CTNNA2: variants seen among roughly 807,000 people sequenced by gnomAD.
CTNNA2 encodes the protein catenin alpha 2.
A neutral mutation model predicts 101.0 loss-of-function variants in CTNNA2; 42 were observed. The ratio of observed to expected loss-of-function variants is 0.42; its 90% CI spans 0.32 to 0.54. CTNNA2 has a LOEUF of 0.54. Ranked by LOEUF, CTNNA2 falls within the 20% of genes least tolerant of loss-of-function variation. The pLI, the probability that CTNNA2 is intolerant of heterozygous loss-of-function variation, is 0.14. For synonymous variants in CTNNA2, 450 were observed against 456.4 expected (o/e 0.99, Z 0.18); for missense variants, 871 against 1,223.1 (o/e 0.71, Z 4.29).
At chr2:80,294,852 C>T (rs1044259683) in intron 7 of CTNNA2, among the ~76,000 whole-genome samples, 4 of 151,950 alleles carry the variant, frequency 2.6e-5, no homozygotes, top group East Asian at 3.9e-4. Flanking sequence ...TCTCATAACA[C>T]GAGGGAAAAT....
intron 2 of CTNNA2, among the ~76,000 whole-genome samples, chr2:79,684,456 G>T (rs1683794958): frequency 6.6e-6 from 1 of 152,102 alleles, no homozygotes; most frequent in Non-Finnish European, 1.5e-5. Flanking sequence ...TGAATAACGT[G>T]AATCAAAACT....
intron 4 of CTNNA2, among the ~76,000 whole-genome samples, chr2:79,477,319 C>T (rs1023610829): frequency 1.3e-5 from 2 of 151,718 alleles, no homozygotes; most frequent in Non-Finnish European, 2.9e-5. Flanking sequence ...TACAGGCACC[C>T]GCCACCACAC....
At chr2:79,319,384 A>G (rs1173732947) in intron 3 of CTNNA2, among the ~76,000 whole-genome samples, 2 of 152,164 alleles carry the variant, frequency 1.3e-5, no homozygotes, top group Non-Finnish European at 2.9e-5. Flanking sequence ...GGGAGCTAGA[A>G]CATGAAGGCT....
intron 2 of CTNNA2, among the ~76,000 whole-genome samples, chr2:79,207,419 A>T (rs1428645249): frequency 6.6e-6 from 1 of 152,186 alleles, no homozygotes; most frequent in Admixed American, 6.5e-5. Context: ...TCTACCTTCA[A>T]GTAATGACAA....
chr2:80,043,954 A>G (rs1696351400), intron 7 of CTNNA2, among the ~76,000 whole-genome samples: 1 of 152,224 alleles, frequency 6.6e-6, no homozygotes, highest in South Asian at 2.1e-4. Flanking sequence ...TTGTGCATGT[A>G]TACACACCCA....
intron 3 of CTNNA2, among the ~76,000 whole-genome samples, chr2:79,795,439 A>T (rs1675622165): frequency 6.6e-6 from 1 of 152,084 alleles, no homozygotes; most frequent in South Asian, 2.1e-4. Flanking sequence ...TTTAAAAGTT[A>T]TTTTTTATAA....
chr2:80,192,131 T>A (rs1470811584), intron 7 of CTNNA2, among the ~76,000 whole-genome samples: 2 of 152,222 alleles, frequency 1.3e-5, no homozygotes, highest in Non-Finnish European at 2.9e-5. Context: ...AATCACAGAA[T>A]TGCAGACATA....
At chr2:79,702,672 C>A (rs1236362359) in intron 2 of CTNNA2, among the ~76,000 whole-genome samples, 1 of 152,176 alleles carries the variant, frequency 6.6e-6, no homozygotes, top group African/African-American at 2.4e-5. Flanking sequence ...TTCCTGGGAA[C>A]CGCTTTTACC....
At chr2:79,340,562 G>C (rs976395242) in intron 3 of CTNNA2, among the ~76,000 whole-genome samples, 2 of 152,130 alleles carry the variant, frequency 1.3e-5, no homozygotes, top group African/African-American at 4.8e-5. Flanking sequence ...GGCCGGGCGT[G>C]GTGGCTCACG....
rs555244719 is a variant in CTNNA2 at position 80,164,415 on chromosome 2, A to G, written c.1057-228796A>G. On this transcript the variant is annotated intron_variant, in intron 7 of 18. Transcript: ENST00000402739. Reference sequence around the variant, plus strand: ...TTACCAATTCTAGTGAAGTTTAGAAATATTTATCTGCCTTTATGTCCCTTT... The same window carrying G: ...TTACCAATTCTAGTGAAGTTTAGAAGTATTTATCTGCCTTTATGTCCCTTT... Among the ~76,000 whole-genome samples the G allele has an allele frequency of 3.3e-5, 5 of 152,138 alleles. No homozygotes were observed. The South Asian group carries it at 1.0e-3, about 32-fold the overall frequency.
chr2:80,198,985 A>G (rs1707020133), intron 7 of CTNNA2, among the ~76,000 whole-genome samples: 1 of 151,986 alleles, frequency 6.6e-6, no homozygotes, highest in South Asian at 2.1e-4. Flanking sequence ...GTTCAAGACC[A>G]ACCTAGCCAA....
intron 2 of CTNNA2, among the ~76,000 whole-genome samples, chr2:79,278,355 G>A (rs545023162): frequency 3.9e-5 from 6 of 152,064 alleles, no homozygotes; most frequent in Admixed American, 1.3e-4. Context: ...AAGAAGGAGC[G>A]AGCATGGTCA....
chr2:79,937,806 C>CT (rs1166044906), intron 7 of CTNNA2, among the ~76,000 whole-genome samples: 2 of 152,174 alleles, frequency 1.3e-5, no homozygotes, highest in Non-Finnish European at 2.9e-5. Context: ...GACTACATTT[C>CT]TTTCTAAGTA....
intron 3 of CTNNA2, among the ~76,000 whole-genome samples, chr2:79,853,580 G>T (rs1256522110): frequency 2.6e-5 from 4 of 151,918 alleles, no homozygotes; most frequent in Non-Finnish European, 5.9e-5. Context: ...GTGCCATTTT[G>T]GTTCATGACC....
chr2:79,572,427 G>T (rs1675515566), intron 1 of CTNNA2, among the ~76,000 whole-genome samples: 1 of 152,104 alleles, frequency 6.6e-6, no homozygotes, highest in Non-Finnish European at 1.5e-5. Flanking sequence ...TCTGCTCCTT[G>T]CTGCCCTGGG....
intron 1 of CTNNA2, among the ~76,000 whole-genome samples, chr2:79,618,245 A>G (rs2104264299): frequency 6.6e-6 from 1 of 152,304 alleles, no homozygotes; most frequent in South Asian, 2.1e-4. Flanking sequence ...ATTGTCTTTC[A>G]TTTGAATTTC....
At chr2:79,598,598 G>C (rs1677350429) in intron 1 of CTNNA2, among the ~76,000 whole-genome samples, 1 of 152,160 alleles carries the variant, frequency 6.6e-6, no homozygotes, top group Non-Finnish European at 1.5e-5. Context: ...TTTGTCATCT[G>C]TATATCTAAT....
intron 12 of CTNNA2, among the ~76,000 whole-genome samples, chr2:80,565,324 A>C (rs998413028): frequency 6.6e-6 from 1 of 152,124 alleles, no homozygotes; most frequent in African/African-American, 2.4e-5. Flanking sequence ...AAGTTTATCA[A>C]ATCTTGTCCT....
chr2:80,131,368 CA>C (rs1702406289), intron 7 of CTNNA2, among the ~76,000 whole-genome samples: 1 of 152,082 alleles, frequency 6.6e-6, no homozygotes, highest in Non-Finnish European at 1.5e-5. Context: ...TCATGTAAGA[CA>C]TTATCATTGA....
Sources: gnomAD v4.1 joint callset for allele counts (sites outside exome capture counted in the v4.1 genomes callset) on GRCh38, gnomAD v4.1.1 for gene constraint, MANE v1.5 for transcripts, NCBI Gene and HGNC (gene_info 2026-07-23, HGNC 2026-07-21) for gene names.